Variants in GRIN2A observed in about 807,000 individuals in gnomAD.
The protein encoded by GRIN2A is glutamate receptor ionotropic, NMDA 2A.
GRIN2A carries 22 observed loss-of-function variants against 113.4 expected under a neutral mutation model. The observed-to-expected ratio is 0.19, with a 90% CI of 0.14 to 0.28. GRIN2A has a LOEUF of 0.28. Among genes scored for constraint, GRIN2A ranks in the 10% least tolerant of loss-of-function variants. GRIN2A has a pLI of 1.00. For synonymous variants in GRIN2A, 827 were observed against 738.4 expected, an observed-to-expected ratio of 1.12 and a Z score of -1.94; for missense variants, 1,502 against 1,887.0, an observed-to-expected ratio of 0.80 and a Z score of 3.78.
At chr16:10,049,412 C>T (rs943129801) in intron 2 of GRIN2A, among the ~76,000 whole-genome samples, 1 of 151,530 alleles carries the variant, frequency 6.6e-6, no homozygotes. Flanking sequence ...GAGTCTTGCT[C>T]TGTTGACCAG....
intron 2 of GRIN2A, among the ~76,000 whole-genome samples, chr16:10,073,365 G>C (rs999110242): frequency 6.6e-6 from 1 of 152,144 alleles, no homozygotes; most frequent in African/African-American, 2.4e-5. Flanking sequence ...AGTCTCTAAA[G>C]ACACAGGAGT....
intron 5 of GRIN2A, among the ~76,000 whole-genome samples, chr16:9,848,372 T>C (rs191156666): frequency 4.1e-4 from 62 of 150,618 alleles, no homozygotes; most frequent in African/African-American, 1.3e-3. Context: ...CCCACCACCA[T>C]AGCTGGCTAA....
chr16:9,799,964 ATATTATTATTAT>A (rs71400498), intron 10 of GRIN2A, among the ~76,000 whole-genome samples: 2 of 149,632 alleles, frequency 1.3e-5, no homozygotes, highest in African/African-American at 2.5e-5. Flanking sequence ...CTGTGCCTAA[ATATTATTATTAT>A]TATTATTATT....
chr16:9,938,543 C>T lies in GRIN2A; in HGVS notation c.423G>A (p.Thr141=), dbSNP rs527558415. The change falls in exon 3 of 13, where the codon ACG becomes ACA. Residue 141 remains threonine (T), a synonymous_variant. Transcript: ENST00000330684. ...ASMIMADKDP[T]STFFQFGASI... is the part of the protein sequence containing the mutation. ...ACGCTCCAAACTGGAAGAAGGTAGA[C>T]GTCGGATCCTGCCAGTGAAAAGAAA... is the stretch of plus-strand genomic sequence containing the variant. 1.4e-5 allele frequency: 22 copies of T among 1,603,760 alleles called. No homozygotes were observed. The highest frequency in any genetic ancestry group is 1.3e-4 in the East Asian group (6 of 44,834).
At chr16:10,024,080 A>G (rs963306093) in intron 2 of GRIN2A, among the ~76,000 whole-genome samples, 2 of 152,056 alleles carry the variant, frequency 1.3e-5, no homozygotes, top group Non-Finnish European at 2.9e-5. Flanking sequence ...GTTCTTAAGA[A>G]CCATGGCATT....
At chr16:9,773,695 T>A (rs754805415) in intron 11 of GRIN2A, among the ~76,000 whole-genome samples, 7 of 152,188 alleles carry the variant, frequency 4.6e-5, no homozygotes, top group Non-Finnish European at 8.8e-5. Context: ...AGTAAGCTCA[T>A]GCACATTTGC....
At chr16:9,986,870 A>G (rs1222952489) in intron 2 of GRIN2A, among the ~76,000 whole-genome samples, 1 of 152,052 alleles carries the variant, frequency 6.6e-6, no homozygotes, top group Non-Finnish European at 1.5e-5. Context: ...ACAACCTCAC[A>G]TAGGTATTTT....
At chr16:10,152,290 G>A (rs1349911451) in intron 2 of GRIN2A, among the ~76,000 whole-genome samples, 33 of 152,338 alleles carry the variant, frequency 2.2e-4, no homozygotes, top group African/African-American at 4.8e-5. Flanking sequence ...CAACCAAAGC[G>A]ATCTGCATAT....
At chr16:9,914,460 C>A (rs1411208103) in intron 3 of GRIN2A, among the ~76,000 whole-genome samples, 1 of 152,196 alleles carries the variant, frequency 6.6e-6, no homozygotes. Context: ...GGCTGACAGG[C>A]CTGCACCTGC....
At chr16:10,079,218 T>C (rs1375072) in intron 2 of GRIN2A, among the ~76,000 whole-genome samples, 129,932 of 152,200 alleles carry the variant, frequency 0.85, 56,072 homozygotes, top group East Asian at 1. Flanking sequence ...GGCATATGGA[T>C]AATAACAACC....
intron 2 of GRIN2A, among the ~76,000 whole-genome samples, chr16:10,025,981 C>T (rs1483371243): frequency 3.3e-5 from 5 of 152,186 alleles, no homozygotes; most frequent in Admixed American, 1.3e-4. Context: ...GGTCCTGGAG[C>T]CAACCTCAAG....
intron 2 of GRIN2A, among the ~76,000 whole-genome samples, chr16:10,113,992 T>C (rs1218821967): frequency 1.3e-5 from 2 of 151,524 alleles, no homozygotes; most frequent in South Asian, 2.1e-4. Flanking sequence ...AAGACCAACC[T>C]GGATAACAAA....
At chr16:10,054,282 G>T (rs1343630960) in intron 2 of GRIN2A, among the ~76,000 whole-genome samples, 1 of 152,072 alleles carries the variant, frequency 6.6e-6, no homozygotes, top group Non-Finnish European at 1.5e-5. Flanking sequence ...AACCCAAATG[G>T]CCAATAAATG....
At chr16:9,791,240 C>T (rs1022815484) in intron 11 of GRIN2A, among the ~76,000 whole-genome samples, 9 of 151,730 alleles carry the variant, frequency 5.9e-5, no homozygotes, top group Admixed American at 2.0e-4. Context: ...CACAGAGGAG[C>T]GCAGAGGCTG....
At chr16:9,827,135 A>G (rs936113472) in intron 9 of GRIN2A, among the ~76,000 whole-genome samples, 2 of 152,262 alleles carry the variant, frequency 1.3e-5, no homozygotes, top group African/African-American at 2.4e-5. Flanking sequence ...CCTTACTGCA[A>G]TTGTGACTCC....
intron 2 of GRIN2A, among the ~76,000 whole-genome samples, chr16:10,100,302 C>T (rs1335336663): frequency 1.3e-5 from 2 of 152,198 alleles, no homozygotes; most frequent in African/African-American, 4.8e-5. Flanking sequence ...ATCCCACTGG[C>T]TTCAGTAGAG....
chr16:10,004,896 C>G (rs953544907), intron 2 of GRIN2A, among the ~76,000 whole-genome samples: 7 of 152,082 alleles, frequency 4.6e-5, no homozygotes, highest in African/African-American at 1.7e-4. Flanking sequence ...TTTTGAGGGC[C>G]CTTTATTCAG....
chr16:9,864,041 C>T (rs2043118968), intron 4 of GRIN2A, among the ~76,000 whole-genome samples: 1 of 152,126 alleles, frequency 6.6e-6, no homozygotes, highest in Non-Finnish European at 1.5e-5. Context: ...GTTACAGTAA[C>T]AGTGATAACT....
chr16:9,982,482 C>G (rs1025768486), intron 2 of GRIN2A, among the ~76,000 whole-genome samples: 3 of 152,172 alleles, frequency 2.0e-5, no homozygotes, highest in African/African-American at 7.2e-5. Context: ...CTTCCTTTGT[C>G]AGCTATTTGG....
Sources: gnomAD v4.1 joint callset for allele counts (sites outside exome capture counted in the v4.1 genomes callset) on GRCh38, gnomAD v4.1.1 for gene constraint, MANE v1.5 for transcripts, NCBI Gene and HGNC (gene_info 2026-07-23, HGNC 2026-07-21) for gene names.